The following GRIN2D variants were observed in gnomAD, a reference collection of about 807,000 sequenced individuals.
The protein encoded by GRIN2D is glutamate ionotropic receptor NMDA type subunit 2D.
In GRIN2D, 37 loss-of-function variants were observed where a neutral mutation model predicts 103.2. The ratio of observed to expected loss-of-function variants is 0.36; its 90% CI spans 0.28 to 0.47. The LOEUF is 0.47. Ranked by LOEUF, GRIN2D falls within the 20% of genes least tolerant of loss-of-function variation. The probability of loss-of-function intolerance (pLI) is 1.00; values close to 1 mark genes in which losing one functional copy is unlikely to be tolerated. For synonymous variants in GRIN2D, 845 were observed against 885.6 expected (o/e 0.95, Z 0.81); for missense variants, 1,557 against 1,910.6 (o/e 0.81, Z 3.45).
At position 48,414,179 on chromosome 19, in the gene GRIN2D, G is replaced by A. The variant is rs1054785226; in HGVS notation, c.1200+74G>A. Reference sequence around the variant, plus strand: ...GCATCCTGGCAGAGGGGGGGCTTGAGGTCGTGGACTAAGAGGGAGGAGGGG... The same window carrying A: ...GCATCCTGGCAGAGGGGGGGCTTGAAGTCGTGGACTAAGAGGGAGGAGGGG... On this transcript the variant is annotated intron_variant, in intron 5 of 13. Coordinates refer to ENST00000263269, the MANE Select transcript of GRIN2D (RefSeq NM_000836.4). The surrounding 1 kb of genome is among the most constrained non-coding windows in gnomAD (Gnocchi z 4.6). 7 of 1,001,024 alleles carry A rather than the reference G, an allele frequency of 7.0e-6. No homozygotes were observed. The African/African-American group carries it at 1.1e-4, about 16-fold the overall frequency. The allele number at this position is 1,001,024 out of a possible 1,614,324, so 62.0% of individuals were successfully genotyped here. A position where few individuals can be genotyped will look rare whatever the true frequency, so the allele number is the denominator to read the frequency against.
intron 4 of GRIN2D, among the ~76,000 whole-genome samples, chr19:48,409,382 G>T (rs1483525202): frequency 6.7e-6 from 1 of 148,194 alleles, no homozygotes; most frequent in Non-Finnish European, 1.5e-5. Context: ...GGATTCAAGC[G>T]ATTCTCCTGC....
chr19:48,400,612 C>G (rs530456278), intron 3 of GRIN2D, among the ~76,000 whole-genome samples: 1 of 152,306 alleles, frequency 6.6e-6, no homozygotes, highest in South Asian at 2.1e-4. Flanking sequence ...GCTCAGTGTA[C>G]GCCCATAGCA....
Position 48,443,367 on chromosome 19 carries a change from G to A in GRIN2D, c.3441G>A (p.Pro1147=), listed in dbSNP as rs1210181837. The part of the protein sequence containing the change: ...FPYPYAERLG[P]PPGRYWSVDK... ...ACCCGTATGCCGAGCGCCTCGGGCCGCCGCCCGGCCGCTACTGGTCGGTCG... is the reference window on the plus strand; with the variant it reads ...ACCCGTATGCCGAGCGCCTCGGGCCACCGCCCGGCCGCTACTGGTCGGTCG... Residue 1147 remains proline (P), a synonymous_variant, in exon 14 of 14, where the codon CCG becomes CCA. Transcript: ENST00000263269. The surrounding 1 kb of genome is among the most constrained non-coding windows in gnomAD (Gnocchi z 8.9). 1 of 1,491,178 alleles carries A rather than the reference G, an allele frequency of 6.7e-7. No individual in the cohort carries two copies. Among genetic ancestry groups the A allele is most frequent in the Admixed American group, 2.2e-5 (1 of 45,540 alleles). 92.4% of individuals were successfully genotyped at this position (1,491,178 alleles called of 1,614,324 possible). A position where few individuals can be genotyped will look rare whatever the true frequency, so the allele number is the denominator to read the frequency against.
chr19:48,438,287 C>CTTTT (rs71181697), intron 11 of GRIN2D, among the ~76,000 whole-genome samples: 8 of 57,726 alleles, frequency 1.4e-4, no homozygotes, highest in African/African-American at 3.8e-4. Context: ...ATCCAGCCGC[C>CTTTT]TTTTTTTTTT....
intron 11 of GRIN2D, among the ~76,000 whole-genome samples, chr19:48,430,060 T>C (rs1282786734): frequency 6.6e-6 from 1 of 152,236 alleles, no homozygotes; most frequent in East Asian, 1.9e-4. Flanking sequence ...CATACTCTTA[T>C]TTAAATCAAT....
chr19:48,400,199 C>T (rs1343318694), intron 3 of GRIN2D, among the ~76,000 whole-genome samples: 2 of 151,784 alleles, frequency 1.3e-5, no homozygotes, highest in African/African-American at 2.4e-5. Context: ...AGAATTGGAC[C>T]AAGCCTGCTC....
chr19:48,400,405 G>T (rs1970696905), intron 3 of GRIN2D, among the ~76,000 whole-genome samples: 1 of 152,210 alleles, frequency 6.6e-6, no homozygotes, highest in African/African-American at 2.4e-5. Context: ...AGCATTCTGG[G>T]AAGGACCTCT....
chr19:48,395,563 G>C (rs929073022), intron 2 of GRIN2D, among the ~76,000 whole-genome samples: 1 of 152,000 alleles, frequency 6.6e-6, no homozygotes, highest in Non-Finnish European at 1.5e-5. Flanking sequence ...CGAGGTTGTG[G>C]GGGGAGCTGT....
At chr19:48,423,304 T>C (rs552531703) in intron 11 of GRIN2D, among the ~76,000 whole-genome samples, 5 of 152,300 alleles carry the variant, frequency 3.3e-5, no homozygotes, top group African/African-American at 1.2e-4. Flanking sequence ...CTCCCCGTCC[T>C]GCATTTACTC....
intron 11 of GRIN2D, among the ~76,000 whole-genome samples, chr19:48,424,858 C>T (rs73588066): frequency 0.017 from 2,636 of 152,198 alleles, 90 homozygotes; most frequent in African/African-American, 0.06. Flanking sequence ...TATAAAAGGG[C>T]GCTGGCCGCC....
At position 48,442,553 on chromosome 19, in the gene GRIN2D, G is replaced by A; in HGVS notation, c.2674-47G>A. ...AGGGACTGAGGGGAGGCGGGCAGGC[G>A]TCCTGGGCATCTCGCGCTGACCCCC... On this transcript the variant is annotated intron_variant, in intron 13 of 13. Coordinates refer to ENST00000263269, the MANE Select transcript of GRIN2D (RefSeq NM_000836.4). This position sits in a 1 kb window ranked among gnomAD's most constrained non-coding sequence, Gnocchi z 7.2. 6.8e-7 allele frequency: 1 copy of A among 1,477,018 alleles called. No homozygotes were observed. The highest frequency in any genetic ancestry group is 8.9e-7 in the Non-Finnish European group (1 of 1,119,638). 91.5% of individuals were successfully genotyped at this position (1,477,018 alleles called of 1,614,324 possible). A position where few individuals can be genotyped will look rare whatever the true frequency, so the allele number is the denominator to read the frequency against.
chr19:48,417,046 A>G (rs1025069373), intron 8 of GRIN2D, among the ~76,000 whole-genome samples: 33 of 152,088 alleles, frequency 2.2e-4, no homozygotes, highest in African/African-American at 7.7e-4. Flanking sequence ...CACCCGGACA[A>G]GGGTTTTAAC....
At chr19:48,437,817 C>T (rs974932713) in intron 11 of GRIN2D, among the ~76,000 whole-genome samples, 10 of 152,180 alleles carry the variant, frequency 6.6e-5, no homozygotes, top group African/African-American at 2.2e-4. Flanking sequence ...GCCTACAAGG[C>T]AGAAGTGCCT....
chr19:48,440,712 C>T (rs903261268), intron 11 of GRIN2D, among the ~76,000 whole-genome samples: 3 of 128,846 alleles, frequency 2.3e-5, no homozygotes, highest in African/African-American at 8.5e-5. Context: ...TTTGAGATGG[C>T]ATCTCTCTCT....
chr19:48,430,900 G>A (rs1335988599), intron 11 of GRIN2D, among the ~76,000 whole-genome samples: 1 of 149,130 alleles, frequency 6.7e-6, no homozygotes, highest in Non-Finnish European at 1.5e-5. Context: ...GCTCACTGCA[G>A]CCTCTGCCTC....
Position 48,413,396 on chromosome 19 carries a change from C to T in GRIN2D, c.1086-595C>T, listed in dbSNP as rs1398347811. Among the ~76,000 whole-genome samples, 8 of 151,654 alleles carry T rather than the reference C, an allele frequency of 5.3e-5. No individual in the cohort carries two copies. In the South Asian group the frequency reaches 1.0e-3, roughly 20 times the overall value. ...TCAGGAGGCTGAGGCAGGAGGATTG[C>T]TTGAACCAGGAGGCGGAGGTTGCAG... On this transcript the variant is annotated intron_variant, in intron 4 of 13. Coordinates refer to ENST00000263269, the MANE Select transcript of GRIN2D (RefSeq NM_000836.4).
intron 4 of GRIN2D, among the ~76,000 whole-genome samples, chr19:48,411,454 A>C (rs1385863579): frequency 1.3e-5 from 2 of 151,992 alleles, no homozygotes; most frequent in African/African-American, 4.8e-5. Context: ...GTTCAAGACC[A>C]GCCTGACCAA....
chr19:48,397,216 G>A (rs1012577008), intron 2 of GRIN2D, among the ~76,000 whole-genome samples: 2 of 152,130 alleles, frequency 1.3e-5, no homozygotes, highest in Non-Finnish European at 2.9e-5. Context: ...AATGGGTTAG[G>A]GGTTGTGGTC....
Sources: allele counts gnomAD v4.1 joint callset (sites outside exome capture counted in the v4.1 genomes callset), GRCh38; gene constraint gnomAD v4.1.1; non-coding constraint Gnocchi (gnomAD v3.1); transcripts MANE v1.5; gene names NCBI Gene and HGNC (gene_info 2026-07-23, HGNC 2026-07-21).